Variants in UGT2B10 observed in about 807,000 individuals in gnomAD.
UGT2B10 encodes UDP-glucuronosyltransferase 2B10.
UGT2B10 carries 51 observed loss-of-function variants against 43.7 expected under a neutral mutation model. That is an observed-to-expected ratio of 1.17 (90% CI 0.93 to 1.47). The LOEUF (loss-of-function observed/expected upper bound fraction) is 1.47. Among genes scored for constraint, UGT2B10 ranks in the 40% most tolerant of loss-of-function variants. The pLI, the probability that UGT2B10 is intolerant of heterozygous loss-of-function variation, is 0.00. For synonymous variants in UGT2B10, 225 were observed against 209.0 expected, an observed-to-expected ratio of 1.08 and a Z score of -0.66; for missense variants, 696 against 617.7, an observed-to-expected ratio of 1.13 and a Z score of -1.34.
In UGT2B10 at chr4:68,818,041, C is replaced by G; in HGVS notation, c.731C>G (p.Thr244Arg). Residue 244 changes from threonine (T) to arginine (R), a missense_variant, in exon 2 of 6, where the codon ACA becomes AGA. Coordinates refer to ENST00000265403, the MANE Select transcript of UGT2B10 (RefSeq NM_001075.6). ...FYSEVLGRPTTLSETMRKADI... is the reference protein window; with the variant it reads ...FYSEVLGRPTRLSETMRKADI... ...TTATTCCTATCAGGAAGACCCACTA[C>G]ATTATCTGAGACAATGAGGAAAGCT... 1.2e-6 allele frequency: 2 copies of G among 1,609,710 alleles called. No homozygotes were observed. Among genetic ancestry groups the G allele is most frequent in the Non-Finnish European group, 1.7e-6 (2 of 1,178,032 alleles).
Position 68,831,838 on chromosome 4 carries a change from T to G in UGT2B10, c.*959T>G, listed in dbSNP as rs1738112778. ...GCAACCTGCATGTCCTCTTTATTAT[T>G]GATCAATCCAACTGCAAAGTTCACC... is the stretch of plus-strand genomic sequence containing the variant. On this transcript the variant is annotated 3_prime_UTR_variant, in exon 6 of 6. Transcript: ENST00000265403. Among the ~76,000 whole-genome samples, 1 of 152,094 alleles carries G rather than the reference T, an allele frequency of 6.6e-6. No individual in the cohort carries two copies. The highest frequency in any genetic ancestry group is 2.4e-5 in the African/African-American group (1 of 41,452).
chr4:68,831,661 G>T lies in UGT2B10; in HGVS notation c.*782G>T, dbSNP rs1342071428. Among the ~76,000 whole-genome samples the T allele has an allele frequency of 6.6e-6, 1 of 152,046 alleles. No homozygotes were observed. Among genetic ancestry groups the T allele is most frequent in the East Asian group, 1.9e-4 (1 of 5,168 alleles). On this transcript the variant is annotated 3_prime_UTR_variant, in exon 6 of 6. Coordinates refer to ENST00000265403, the MANE Select transcript of UGT2B10 (RefSeq NM_001075.6). ...TGATTAAAATCTAAAATTGCTTTCT[G>T]TTAAAGCTTTACTGATTAGTTTTTC...
Position 68,830,912 on chromosome 4 carries a change from T to G in UGT2B10, c.*33T>G. ...TGAGATTTGAAGCTGGAAAACCTGATAGATAGGAATACTTCAGTTGATTCC... is the reference window on the plus strand; with the variant it reads ...TGAGATTTGAAGCTGGAAAACCTGAGAGATAGGAATACTTCAGTTGATTCC... On this transcript the variant is annotated 3_prime_UTR_variant, in exon 6 of 6. Transcript: ENST00000265403. The G allele has an allele frequency of 6.2e-7, 1 of 1,600,342 alleles. No individual in the cohort carries two copies. Among genetic ancestry groups the G allele is most frequent in the Non-Finnish European group, 8.5e-7 (1 of 1,173,140 alleles).
intron 3 of UGT2B10, among the ~76,000 whole-genome samples, chr4:68,823,399 C>G (rs1737610699): frequency 2.6e-5 from 4 of 152,062 alleles, no homozygotes; most frequent in Middle Eastern, 3.4e-3. Context: ...CCCAGCTATT[C>G]AGGACACTGA....
chr4:68,831,593 C>T lies in UGT2B10; in HGVS notation c.*714C>T, dbSNP rs1382228625. The stretch of plus-strand genomic sequence containing the variant: ...GGAAATGAATGATTGACTGAACAGC[C>T]CACAAGAAGAATCACTTAATGCTCT... On this transcript the variant is annotated 3_prime_UTR_variant, in exon 6 of 6. Coordinates refer to ENST00000265403, the MANE Select transcript of UGT2B10 (RefSeq NM_001075.6). Among the ~76,000 whole-genome samples the T allele has an allele frequency of 6.6e-6, 1 of 152,040 alleles. No individual in the cohort carries two copies. Among genetic ancestry groups the T allele is most frequent in the East Asian group, 1.9e-4 (1 of 5,180 alleles).
At chr4:68,824,252 A>G (rs548239207) in intron 3 of UGT2B10, among the ~76,000 whole-genome samples, 1 of 152,356 alleles carries the variant, frequency 6.6e-6, no homozygotes, top group South Asian at 2.1e-4. Flanking sequence ...TTAGAGAAAG[A>G]GAAAAAGCAG....
At chr4:68,816,836 G>T in intron 1 of UGT2B10, 99 bp downstream of exon 1, 1 of 1,041,894 alleles carries the variant, frequency 9.6e-7, no homozygotes, top group South Asian at 1.8e-5. Context: ...TGGAGTTTTT[G>T]GTAAATGAAT....
intron 3 of UGT2B10, among the ~76,000 whole-genome samples, chr4:68,825,100 G>C (rs1913316): frequency 0.029 from 4,468 of 152,022 alleles, 151 homozygotes; most frequent in African/African-American, 0.084. Flanking sequence ...ACAACAGGCT[G>C]TAATATAATA....
At chr4:68,818,249 C>G (rs1737322201) in intron 2 of UGT2B10, 72 bp downstream of exon 2, 1 of 1,576,940 alleles carries the variant, frequency 6.3e-7, no homozygotes. Flanking sequence ...AGTCTTCATT[C>G]AGAGTGTTTG....
rs545472773 is a variant in UGT2B10 at position 68,818,649 on chromosome 4, G to A, written c.867+472G>A. Among the ~76,000 whole-genome samples, 94 of 151,892 alleles carry A rather than the reference G, an allele frequency of 6.2e-4. 1 individual carries two copies. Among genetic ancestry groups the A allele is most frequent in the African/African-American group, 2.1e-3 (88 of 41,526 alleles). ...AAAACCCAATGCTAAGAAAGCATCAGTGGAGATAATAGAAAGTATCCTGGA... is the reference window on the plus strand; with the variant it reads ...AAAACCCAATGCTAAGAAAGCATCAATGGAGATAATAGAAAGTATCCTGGA... On this transcript the variant is annotated intron_variant, in intron 2 of 5. Coordinates refer to ENST00000265403, the MANE Select transcript of UGT2B10 (RefSeq NM_001075.6).
At chr4:68,817,785 G>A (rs1253514651) in intron 1 of UGT2B10, among the ~76,000 whole-genome samples, 3 of 151,690 alleles carry the variant, frequency 2.0e-5, no homozygotes, top group Non-Finnish European at 3.0e-5. Flanking sequence ...ATACTGACAT[G>A]ACATTAGAGA....
chr4:68,831,136 G>T lies in UGT2B10; in HGVS notation c.*257G>T, dbSNP rs1738081535. 1.1e-5 allele frequency: 5 copies of T among 453,142 alleles called. No homozygotes were observed. The highest frequency in any genetic ancestry group is 3.3e-5 in the South Asian group (1 of 29,860). The allele number at this position is 453,142 out of a possible 1,614,324, so 28.1% of individuals were successfully genotyped here. A position where few individuals can be genotyped will look rare whatever the true frequency, so the allele number is the denominator to read the frequency against. On this transcript the variant is annotated 3_prime_UTR_variant, in exon 6 of 6. Transcript: ENST00000265403. ...GCCATATGAGCTTGTATTGAAATTTGTTGCACTTATATTGAAATGTGATCA... is the reference window on the plus strand; with the variant it reads ...GCCATATGAGCTTGTATTGAAATTTTTTGCACTTATATTGAAATGTGATCA...
Position 68,816,218 on chromosome 4 carries a change from G to T in UGT2B10, c.199G>T (p.Asp67Tyr), listed in dbSNP as rs61750900. Residue 67 changes from aspartate to tyrosine, a missense_variant, in exon 1 of 6, where the codon GAC becomes TAC. Asp to Tyr is a radical substitution (Grantham distance 160). Coordinates refer to ENST00000265403, the MANE Select transcript of UGT2B10 (RefSeq NM_001075.6). ...SSASILFDPN[D>Y]SSTLKLEVYP... ...AGCTTCCATTCTTTTTGATCCCAAC[G>T]ACTCATCCACTCTTAAACTTGAAGT... 137,202 of 1,613,000 alleles carry T rather than the reference G, an allele frequency of 0.085. 6,576 individuals carry two copies. Among genetic ancestry groups the T allele is most frequent in the Non-Finnish European group, 0.098 (115,977 of 1,179,332 alleles).
chr4:68,823,246 G>A (rs145749252), intron 3 of UGT2B10, among the ~76,000 whole-genome samples: 3,991 of 152,120 alleles, frequency 0.026, 60 homozygotes, highest in African/African-American at 0.041. Context: ...GGTGGTTCGC[G>A]CCTGTAATCC....
chr4:68,816,562 G>A lies in UGT2B10; in HGVS notation c.543G>A (p.Arg181=). ...TCAGTCCTGGCTACTCATTTGAAAG[G>A]CACAGTGGAGGATTTATTTTCCCTC... The part of the protein sequence containing the change: ...HSFSPGYSFE[R]HSGGFIFPPS... The change falls in exon 1 of 6, where the codon AGG becomes AGA. Residue 181 remains arginine, a synonymous_variant. Transcript: ENST00000265403. 6.2e-7 allele frequency: 1 copy of A among 1,613,052 alleles called. No individual in the cohort carries two copies. The highest frequency in any genetic ancestry group is 8.5e-7 in the Non-Finnish European group (1 of 1,179,352).
intron 5 of UGT2B10, among the ~76,000 whole-genome samples, chr4:68,827,976 T>C (rs950258787): frequency 1.3e-5 from 2 of 151,882 alleles, no homozygotes; most frequent in African/African-American, 4.8e-5. Flanking sequence ...GACTTGAAAA[T>C]GAGATTTAAT....
intron 3 of UGT2B10, among the ~76,000 whole-genome samples, chr4:68,822,948 ATT>A (rs1328281259): frequency 2.6e-5 from 4 of 152,196 alleles, no homozygotes; most frequent in Non-Finnish European, 5.9e-5. Flanking sequence ...GGCCACCTCT[ATT>A]ACTTATTGTA....
rs774273117 is a variant in UGT2B10 at position 68,816,257 on chromosome 4, T to C, written c.238T>C (p.Leu80=). The C allele has an allele frequency of 1.9e-5, 30 of 1,613,100 alleles. No individual in the cohort carries two copies. In the South Asian group the frequency reaches 3.3e-4, roughly 18 times the overall value. ...TAAACTTGAAGTTTATCCTACATCT[T>C]TAACTAAAACTGAATTTGAGAATAT... ...TLKLEVYPTS[L]TKTEFENIIM... is the part of the protein sequence containing the mutation. Residue 80 remains leucine, a synonymous_variant, in exon 1 of 6, where the codon TTA becomes CTA. Coordinates refer to ENST00000265403, the MANE Select transcript of UGT2B10 (RefSeq NM_001075.6).
At position 68,816,743 on chromosome 4, in the gene UGT2B10, A is replaced by T; in HGVS notation, c.718+6A>T. 1.3e-6 allele frequency: 2 copies of T among 1,576,264 alleles called. No individual in the cohort carries two copies. Among genetic ancestry groups the T allele is most frequent in the Non-Finnish European group, 1.7e-6 (2 of 1,162,246 alleles). ...GTTTTACAGTGAAGTTTTAGGTAAG[A>T]TTTTTTTCAATTAGTAACATGAAGC... is the stretch of plus-strand genomic sequence containing the variant. On this transcript the variant is annotated splice_donor_region_variant and intron_variant, in intron 1 of 5. Coordinates refer to ENST00000265403, the MANE Select transcript of UGT2B10 (RefSeq NM_001075.6).
Sources: gnomAD v4.1 joint callset for allele counts (sites outside exome capture counted in the v4.1 genomes callset) on GRCh38, gnomAD v4.1.1 for gene constraint, MANE v1.5 for transcripts, NCBI Gene and HGNC (gene_info 2026-07-23, HGNC 2026-07-21) for gene names.